CDKN2B-AS1: variants seen among roughly 807,000 people sequenced by gnomAD.
CDKN2B-AS1 encodes the protein CDKN2B antisense RNA 1 (non-protein coding).
rs1453585969 is a variant in CDKN2B-AS1 at position 22,000,868 on chromosome 9, G to A, written n.29+5707G>A. Among the ~76,000 whole-genome samples the A allele has an allele frequency of 2.0e-5, 3 of 152,082 alleles. No homozygotes were observed. Among genetic ancestry groups the A allele is most frequent in the East Asian group, 3.8e-4 (2 of 5,204 alleles). On this transcript the variant is annotated intron_variant and non_coding_transcript_variant, in intron 1 of 4. Coordinates refer to ENST00000650946, the Ensembl canonical transcript of CDKN2B-AS1. This position sits in a 1 kb window ranked among gnomAD's most constrained non-coding sequence, Gnocchi z 4.1. ...AACAATGGATTATCCTTACATATTT[G>A]GTTTGGGATTACATTGAGAGCTACC...
chr9:22,063,880 T>C (rs1352899560), intron 4 of CDKN2B-AS1: 1 of 152,206 alleles, frequency 6.6e-6, no homozygotes, highest in African/African-American at 2.4e-5. Flanking sequence ...AGTTATGATA[T>C]TGGGTGTGGA....
chr9:22,049,671 T>G (rs1384997963), intron 3 of CDKN2B-AS1, among the ~76,000 whole-genome samples: 2 of 152,138 alleles, frequency 1.3e-5, no homozygotes, highest in East Asian at 3.9e-4. Flanking sequence ...TGACTCACAT[T>G]AAGATCAAGG....
At chr9:22,094,241 G>T (rs1019377738) in intron 4 of CDKN2B-AS1, among the ~76,000 whole-genome samples, 1 of 143,556 alleles carries the variant, frequency 7.0e-6, no homozygotes, top group Non-Finnish European at 1.5e-5. Context: ...CTCTCTGGCT[G>T]CCCTTAACAT....
At chr9:22,034,273 A>T (rs1223264639) in intron 1 of CDKN2B-AS1, among the ~76,000 whole-genome samples, 2 of 152,126 alleles carry the variant, frequency 1.3e-5, no homozygotes, top group Non-Finnish European at 2.9e-5. Flanking sequence ...TAAACCCTGA[A>T]GTTTGGCATG....
intron 1 of CDKN2B-AS1, chr9:22,030,131 ATGT>A (rs1174068552): frequency 2.0e-5 from 3 of 152,176 alleles, no homozygotes; most frequent in African/African-American, 4.8e-5. Flanking sequence ...CAGAAGGGAG[ATGT>A]TGTCTTTTCT....
At chr9:22,077,170 A>C (rs926784117) in intron 4 of CDKN2B-AS1, among the ~76,000 whole-genome samples, 1 of 152,298 alleles carries the variant, frequency 6.6e-6, no homozygotes, top group Middle Eastern at 3.4e-3. Context: ...AAAATTCTAC[A>C]TATATGTAAA....
At chr9:22,084,716 T>C (rs1824809188) in intron 4 of CDKN2B-AS1, among the ~76,000 whole-genome samples, 1 of 152,184 alleles carries the variant, frequency 6.6e-6, no homozygotes, top group Non-Finnish European at 1.5e-5. Context: ...GCAGTAACAT[T>C]GTTTATCTTT....
intron 3 of CDKN2B-AS1, among the ~76,000 whole-genome samples, chr9:22,053,291 A>G (rs745642000): frequency 6.6e-5 from 10 of 152,212 alleles, no homozygotes; most frequent in Non-Finnish European, 1.0e-4. Context: ...GGGCTTTTTT[A>G]GCAAACGTTT....
At chr9:22,015,647 T>G (rs565627308) in intron 1 of CDKN2B-AS1, among the ~76,000 whole-genome samples, 2 of 152,132 alleles carry the variant, frequency 1.3e-5, no homozygotes, top group East Asian at 3.8e-4. Context: ...TTTTCTTTAT[T>G]ATTATTATAC....
chr9:22,080,965 A>C (rs769373369), intron 4 of CDKN2B-AS1, among the ~76,000 whole-genome samples: 2 of 152,224 alleles, frequency 1.3e-5, no homozygotes, highest in African/African-American at 2.4e-5. Flanking sequence ...AAATATCATA[A>C]AATGTCAGCT....
Position 22,000,330 on chromosome 9 carries a change from T to C in CDKN2B-AS1, n.29+5169T>C, listed in dbSNP as rs1820866412. Among the ~76,000 whole-genome samples, 1 of 152,200 alleles carries C rather than the reference T, an allele frequency of 6.6e-6. No individual in the cohort carries two copies. The highest frequency in any genetic ancestry group is 6.5e-5 in the Admixed American group (1 of 15,280). On this transcript the variant is annotated intron_variant and non_coding_transcript_variant, in intron 1 of 4. Transcript: ENST00000650946. The surrounding 1 kb of genome is among the most constrained non-coding windows in gnomAD (Gnocchi z 4.1). The stretch of plus-strand genomic sequence containing the variant: ...GCAAATGTATAATAAAGTGGTATGC[T>C]TCCCTAGAAAGGGGACGACCTTAAA...
At chr9:22,023,718 G>T (rs1458877903) in intron 1 of CDKN2B-AS1, among the ~76,000 whole-genome samples, 1 of 152,188 alleles carries the variant, frequency 6.6e-6, no homozygotes, top group Non-Finnish European at 1.5e-5. Flanking sequence ...ACTCCAGCCT[G>T]GGTGAGTTGA....
chr9:22,087,481 A>G (rs1445125190), intron 4 of CDKN2B-AS1, among the ~76,000 whole-genome samples: 1 of 152,206 alleles, frequency 6.6e-6, no homozygotes, highest in Admixed American at 6.5e-5. Context: ...TTTTTATTAC[A>G]AGTACCTGAA....
At position 22,094,678 on chromosome 9, in the gene CDKN2B-AS1, A is replaced by T. The variant is rs113179450; in HGVS notation, n.439-32425A>T. ...TTCAGCTCCGTCAGGTCCTTTAAAGACTTCTCTGCGTTGGTTATTCTAGTT... is the reference window on the plus strand; with the variant it reads ...TTCAGCTCCGTCAGGTCCTTTAAAGTCTTCTCTGCGTTGGTTATTCTAGTT... On this transcript the variant is annotated intron_variant and non_coding_transcript_variant, in intron 4 of 4. Transcript: ENST00000650946. Among the ~76,000 whole-genome samples, 3 of 142,950 alleles carry T rather than the reference A, an allele frequency of 2.1e-5. 1 individual carries two copies. The highest frequency in any genetic ancestry group is 8.9e-5 in the African/African-American group (3 of 33,834). 93.8% of individuals were successfully genotyped at this position (142,950 alleles called of 152,430 possible). A position where few individuals can be genotyped will look rare whatever the true frequency, so the allele number is the denominator to read the frequency against.
intron 4 of CDKN2B-AS1, among the ~76,000 whole-genome samples, chr9:22,121,647 T>C (rs1026536059): frequency 6.6e-6 from 1 of 152,102 alleles, no homozygotes; most frequent in Admixed American, 6.6e-5. Context: ...AGTGAGAACA[T>C]GCGGTGTTTA....
intron 4 of CDKN2B-AS1, among the ~76,000 whole-genome samples, chr9:22,086,811 C>T (rs956061889): frequency 1.3e-5 from 2 of 152,230 alleles, no homozygotes; most frequent in African/African-American, 4.8e-5. Flanking sequence ...CGATTAGTTT[C>T]CAAACTGTAT....
At chr9:22,088,962 G>A (rs1460584085) in intron 4 of CDKN2B-AS1, among the ~76,000 whole-genome samples, 1 of 152,206 alleles carries the variant, frequency 6.6e-6, no homozygotes, top group African/African-American at 2.4e-5. Context: ...AGCATCAGCA[G>A]CATACCACAC....
At chr9:22,011,400 T>C (rs188798346) in intron 1 of CDKN2B-AS1, among the ~76,000 whole-genome samples, 1 of 152,356 alleles carries the variant, frequency 6.6e-6, no homozygotes, top group East Asian at 1.9e-4. Context: ...TTACAGCTGT[T>C]GTTTCATTTA....
chr9:22,026,231 T>C (rs1822232684), intron 1 of CDKN2B-AS1, among the ~76,000 whole-genome samples: 1 of 152,220 alleles, frequency 6.6e-6, no homozygotes, highest in Admixed American at 6.5e-5. Context: ...GATGGCAGCC[T>C]GCCCCTCCCT....
Sources: gnomAD v4.1 joint callset for allele counts (sites outside exome capture counted in the v4.1 genomes callset) on GRCh38, gnomAD v4.1.1 for gene constraint, Gnocchi (gnomAD v3.1) non-coding constraint, MANE v1.5 for transcripts, NCBI Gene and HGNC (gene_info 2026-07-23, HGNC 2026-07-21) for gene names.